KCNQ5: variants seen among roughly 807,000 people sequenced by gnomAD.
KCNQ5 encodes potassium voltage-gated channel subfamily KQT member 5.
Under a neutral mutation model 98.2 loss-of-function variants are expected in KCNQ5, and 30 were observed. The ratio of observed to expected loss-of-function variants is 0.31; its 90% CI spans 0.23 to 0.41. KCNQ5 has a LOEUF of 0.41. KCNQ5 is among the 10% of genes least tolerant of loss of function. The probability of loss-of-function intolerance (pLI) is 1.00; values close to 1 mark genes in which losing one functional copy is unlikely to be tolerated. For missense variants in KCNQ5, 835 were observed against 1,182.5 expected (o/e 0.71, Z 4.31); for synonymous variants, 458 against 449.4 (o/e 1.02, Z -0.24).
chr6:73,022,183 T>C (rs1211861341), intron 2 of KCNQ5, among the ~76,000 whole-genome samples: 1 of 152,010 alleles, frequency 6.6e-6, no homozygotes, highest in Non-Finnish European at 1.5e-5. Context: ...TAGTGATCTC[T>C]AGATGCAAAA....
At chr6:72,822,252 A>T (rs1453042368) in intron 1 of KCNQ5, among the ~76,000 whole-genome samples, 1 of 152,174 alleles carries the variant, frequency 6.6e-6, no homozygotes, top group Non-Finnish European at 1.5e-5. Flanking sequence ...AATTTTCCTC[A>T]GAGGAAATGT....
chr6:72,718,153 T>C (rs140557172), intron 1 of KCNQ5, among the ~76,000 whole-genome samples: 125 of 152,318 alleles, frequency 8.2e-4, no homozygotes, highest in African/African-American at 2.7e-3. Context: ...AAATTTGCCT[T>C]GAGTGACTTT....
intron 1 of KCNQ5, among the ~76,000 whole-genome samples, chr6:72,713,556 C>A (rs899896624): frequency 6.6e-6 from 1 of 152,132 alleles, no homozygotes; most frequent in African/African-American, 2.4e-5. Context: ...GTTCTGGTGC[C>A]TCTGGCCTCT....
At chr6:73,160,844 G>A (rs1777592586) in intron 10 of KCNQ5, among the ~76,000 whole-genome samples, 2 of 151,194 alleles carry the variant, frequency 1.3e-5, no homozygotes, top group Non-Finnish European at 2.9e-5. Context: ...GGTTTCTAAT[G>A]TTATTGGTCT....
chr6:73,041,900 A>G (rs534032526), intron 2 of KCNQ5, 36 bp from the exon 3 acceptor site: 7 of 1,613,188 alleles, frequency 4.3e-6, no homozygotes, highest in Non-Finnish European at 5.9e-6. Flanking sequence ...TTGCTCCATA[A>G]TGCTTCTCTC....
intron 1 of KCNQ5, among the ~76,000 whole-genome samples, chr6:72,833,958 A>G (rs1291175291): frequency 6.6e-6 from 1 of 152,146 alleles, no homozygotes; most frequent in African/African-American, 2.4e-5. Context: ...ATAAAGTTAT[A>G]CTACTTGTGT....
At chr6:73,146,626 CAAAAAAAAAA>C (rs58798764) in intron 10 of KCNQ5, among the ~76,000 whole-genome samples, 8 of 28,484 alleles carry the variant, frequency 2.8e-4, no homozygotes, top group Non-Finnish European at 4.5e-4. Context: ...GTCCCTGTCT[CAAAAAAAAAA>C]AAAAAAAAAA....
At chr6:72,630,288 CT>C (rs1219616020) in intron 1 of KCNQ5, among the ~76,000 whole-genome samples, 1 of 152,074 alleles carries the variant, frequency 6.6e-6, no homozygotes, top group Admixed American at 6.5e-5. Flanking sequence ...AGATATACAC[CT>C]TTTACAAACT....
intron 5 of KCNQ5, among the ~76,000 whole-genome samples, chr6:73,082,294 C>A (rs779243057): frequency 1.4e-4 from 22 of 152,216 alleles, no homozygotes; most frequent in Non-Finnish European, 2.6e-4. Context: ...AAGGAGAATA[C>A]TACTCTGCCT....
chr6:72,774,070 A>C (rs1773046390), intron 1 of KCNQ5, among the ~76,000 whole-genome samples: 1 of 152,168 alleles, frequency 6.6e-6, no homozygotes, highest in Non-Finnish European at 1.5e-5. Flanking sequence ...ATGGAAAAAA[A>C]AATGAATCTT....
At chr6:72,857,659 A>AGACAAAAC (rs1484074879) in intron 1 of KCNQ5, among the ~76,000 whole-genome samples, 2 of 152,220 alleles carry the variant, frequency 1.3e-5, no homozygotes. Flanking sequence ...AAGTCAGGGA[A>AGACAAAAC]GACAAAACAA....
At chr6:72,898,349 CA>C (rs1779339449) in intron 1 of KCNQ5, among the ~76,000 whole-genome samples, 5 of 152,124 alleles carry the variant, frequency 3.3e-5, no homozygotes, top group Admixed American at 3.3e-4. Flanking sequence ...CTATAGGCCC[CA>C]GAGTGTGTTG....
intron 1 of KCNQ5, among the ~76,000 whole-genome samples, chr6:72,787,004 C>CAAAAAAAAAAA (rs1045803750): frequency 4.0e-5 from 2 of 50,438 alleles, no homozygotes; most frequent in Non-Finnish European, 4.5e-5. Context: ...GACTCTGTCT[C>CAAAAAAAAAAA]AAAAAAAAAA....
rs137904730 is a variant in KCNQ5, at chr6:73,014,068, A to G, written c.489+10070A>G. On this transcript the variant is annotated intron_variant, in intron 2 of 13. Coordinates refer to ENST00000370398, the MANE Select transcript of KCNQ5 (RefSeq NM_019842.4). ...AGGTGAGTATCATGCTGTTGAAGTG[A>G]GTTCTCCTATTTCCAGGTTAGACTA... Among the ~76,000 whole-genome samples, 256 of 152,182 alleles carry G rather than the reference A, an allele frequency of 1.7e-3. 1 individual carries two copies. Among genetic ancestry groups the G allele is most frequent in the African/African-American group, 5.8e-3 (243 of 41,546 alleles).
chr6:73,144,637 C>T (rs1776850924), intron 10 of KCNQ5, among the ~76,000 whole-genome samples: 1 of 152,202 alleles, frequency 6.6e-6, no homozygotes, highest in African/African-American at 2.4e-5. Context: ...GATTTAGTGG[C>T]TTAAAACAGC....
intron 10 of KCNQ5, among the ~76,000 whole-genome samples, chr6:73,143,914 A>G (rs1334429448): frequency 6.6e-6 from 1 of 152,182 alleles, no homozygotes; most frequent in East Asian, 1.9e-4. Flanking sequence ...TAACCATTAC[A>G]CAAATCACAG....
chr6:73,099,407 A>G (rs1482611433), intron 5 of KCNQ5, among the ~76,000 whole-genome samples: 14 of 152,170 alleles, frequency 9.2e-5, no homozygotes, highest in Admixed American at 9.2e-4. Context: ...AAAAAGCAAG[A>G]CCCAATGATC....
At chr6:72,738,875 C>T (rs1279705515) in intron 1 of KCNQ5, among the ~76,000 whole-genome samples, 1 of 152,104 alleles carries the variant, frequency 6.6e-6, no homozygotes, top group Non-Finnish European at 1.5e-5. Flanking sequence ...GTTAAAACAT[C>T]AGTGGTTGCC....
At chr6:73,176,854 G>A (rs1386456655) in intron 11 of KCNQ5, among the ~76,000 whole-genome samples, 1 of 152,166 alleles carries the variant, frequency 6.6e-6, no homozygotes, top group African/African-American at 2.4e-5. Context: ...CTGACACCCA[G>A]GAGAGCAGTC....
Sources: allele counts gnomAD v4.1 joint callset (sites outside exome capture counted in the v4.1 genomes callset), GRCh38; gene constraint gnomAD v4.1.1; transcripts MANE v1.5; gene names NCBI Gene and HGNC (gene_info 2026-07-23, HGNC 2026-07-21).